APLF: variants seen among roughly 807,000 people sequenced by gnomAD.
APLF encodes aprataxin and PNKP like factor.
APLF carries 61 observed loss-of-function variants against 55.6 expected under a neutral mutation model. The observed-to-expected ratio is 1.10, with a 90% CI of 0.89 to 1.36. The LOEUF is 1.36. Ranked by LOEUF, APLF falls within the 40% of genes most tolerant of loss-of-function variation. The pLI is 0.00. For missense variants in APLF, 611 were observed against 602.5 expected (o/e 1.01, Z -0.15); for synonymous variants, 207 against 214.8 (o/e 0.96, Z 0.32).
intron 8 of APLF, among the ~76,000 whole-genome samples, chr2:68,555,470 ACAAG>A (rs1350133027): frequency 2.6e-5 from 4 of 152,138 alleles, no homozygotes; most frequent in African/African-American, 9.7e-5. Context: ...GCAAGAAAAA[ACAAG>A]CAATCCAATC....
At chr2:68,480,402 T>A (rs1475212274) in intron 1 of APLF, among the ~76,000 whole-genome samples, 1 of 151,884 alleles carries the variant, frequency 6.6e-6, no homozygotes, top group Non-Finnish European at 1.5e-5. Context: ...TCTCCCAGAT[T>A]CAAGCAATTC....
chr2:68,578,609 G>T lies in APLF; in HGVS notation c.*587G>T, dbSNP rs917417102. On this transcript the variant is annotated 3_prime_UTR_variant, in exon 10 of 10. Transcript: ENST00000303795. Reference sequence around the variant, plus strand: ...TGAAAATAGATTCAACTAGGCTGTAGAAGAGAAATGTTCACCATGTAGGGA... The same window carrying T: ...TGAAAATAGATTCAACTAGGCTGTATAAGAGAAATGTTCACCATGTAGGGA... 6 of 985,204 alleles carry T rather than the reference G, an allele frequency of 6.1e-6. No individual in the cohort carries two copies. The highest frequency in any genetic ancestry group is 1.7e-5 in the African/African-American group (1 of 57,218). The allele number at this position is 985,204 out of a possible 1,614,324, so 61.0% of individuals were successfully genotyped here. A position where few individuals can be genotyped will look rare whatever the true frequency, so the allele number is the denominator to read the frequency against.
rs1399236415 is a variant in APLF at position 68,538,145 on chromosome 2, A to G, written c.1078A>G (p.Lys360Glu). The G allele has an allele frequency of 3.1e-6, 5 of 1,614,098 alleles. No homozygotes were observed. The Admixed American group carries it at 6.7e-5, about 22-fold the overall frequency. ...CTCCAATCCTGAAACTTTGCATGCA[A>G]AGGCAACTGATTCAGTTCTACAAGG... Reference protein sequence around the residue: ...NPSNPETLHAKATDSVLQGSE... With the variant: ...NPSNPETLHAEATDSVLQGSE... Residue 360 changes from lysine to glutamate, a missense_variant, in exon 7 of 10, where the codon AAG becomes GAG. Transcript: ENST00000303795.
At position 68,535,466 on chromosome 2, in the gene APLF, T is replaced by G. The variant is rs142875131; in HGVS notation, c.805-2406T>G. 1,364 of 210,158 alleles carry G rather than the reference T, an allele frequency of 6.5e-3. 21 individuals carry two copies. Among genetic ancestry groups the G allele is most frequent in the African/African-American group, 0.031 (1,289 of 42,140 alleles). The allele number at this position is 210,158 out of a possible 1,614,324, so 13.0% of individuals were successfully genotyped here. A position where few individuals can be genotyped will look rare whatever the true frequency, so the allele number is the denominator to read the frequency against. ...TATATAAGGAATTTTTTTTAAAAGC[T>G]AAATGGTACCAAGTATGGATATTAT... On this transcript the variant is annotated intron_variant, in intron 6 of 9. Coordinates refer to ENST00000303795, the MANE Select transcript of APLF (RefSeq NM_173545.3).
In APLF at chr2:68,467,625, C is replaced by A; in HGVS notation, c.-107C>A. 1 of 948,316 alleles carries A rather than the reference C, an allele frequency of 1.1e-6. No individual in the cohort carries two copies. Among genetic ancestry groups the A allele is most frequent in the Non-Finnish European group, 1.4e-6 (1 of 727,420 alleles). The allele number at this position is 948,316 out of a possible 1,614,324, so 58.7% of individuals were successfully genotyped here. A position where few individuals can be genotyped will look rare whatever the true frequency, so the allele number is the denominator to read the frequency against. On this transcript the variant is annotated 5_prime_UTR_variant, in exon 1 of 10. Transcript: ENST00000303795. ...GCCGCGGGGAGCCTTTGAGGCCCTC[C>A]CTCGGTGTTTTTTCCCAGGGCGTGG... is the stretch of plus-strand genomic sequence containing the variant.
intron 8 of APLF, chr2:68,563,262 GTACC>G (rs1671214415): frequency 1.0e-6 from 1 of 984,988 alleles, no homozygotes; most frequent in Non-Finnish European, 1.2e-6. Flanking sequence ...ACCTGTACAT[GTACC>G]TAACATTTTT....
Position 68,519,916 on chromosome 2 carries a change from A to G in APLF, c.623-6145A>G, listed in dbSNP as rs529460457. Among the ~76,000 whole-genome samples the G allele has an allele frequency of 9.2e-5, 14 of 151,892 alleles. No individual in the cohort carries two copies. The East Asian group carries it at 2.3e-3, about 25-fold the overall frequency. Reference sequence around the variant, plus strand: ...CACGGTTTTCTGTAGTGGTTGTTCTATTTTACATTCCCACCAGCAGTGTAA... The same window carrying G: ...CACGGTTTTCTGTAGTGGTTGTTCTGTTTTACATTCCCACCAGCAGTGTAA... On this transcript the variant is annotated intron_variant, in intron 5 of 9. Coordinates refer to ENST00000303795, the MANE Select transcript of APLF (RefSeq NM_173545.3).
rs755024491 is a variant in APLF, at chr2:68,579,168, A to G, written c.*1146A>G. 6 of 784,202 alleles carry G rather than the reference A, an allele frequency of 7.7e-6. No individual in the cohort carries two copies. Among genetic ancestry groups the G allele is most frequent in the Non-Finnish European group, 9.3e-6 (6 of 646,828 alleles). 48.6% of individuals were successfully genotyped at this position (784,202 alleles called of 1,614,324 possible). On this transcript the variant is annotated 3_prime_UTR_variant, in exon 10 of 10. Coordinates refer to ENST00000303795, the MANE Select transcript of APLF (RefSeq NM_173545.3). ...TATCTTAAAAGATCAAAACATATTT[A>G]TAATAATATTTTCTCATTGCTTTAA...
At chr2:68,570,684 A>C (rs1168944472) in intron 9 of APLF, among the ~76,000 whole-genome samples, 1 of 152,122 alleles carries the variant, frequency 6.6e-6, no homozygotes, top group Non-Finnish European at 1.5e-5. Context: ...TTCTTAATCC[A>C]GTCTATCATT....
chr2:68,528,173 G>C, intron 6 of APLF: 1 of 689,910 alleles, frequency 1.4e-6, no homozygotes, highest in South Asian at 1.7e-5. Flanking sequence ...TCAATCTCTT[G>C]ACCTCCTGAT....
chr2:68,536,859 G>GCC (rs1670405363), intron 6 of APLF, among the ~76,000 whole-genome samples: 1 of 152,020 alleles, frequency 6.6e-6, no homozygotes, highest in South Asian at 2.1e-4. Flanking sequence ...ATAAAGTATT[G>GCC]CAGTAGCTTA....
intron 8 of APLF, among the ~76,000 whole-genome samples, chr2:68,555,799 C>G (rs1017856137): frequency 2.6e-5 from 4 of 152,122 alleles, no homozygotes; most frequent in African/African-American, 4.8e-5. Flanking sequence ...TGTGGAGATT[C>G]CTTAAACAAC....
intron 8 of APLF, chr2:68,563,165 T>G (rs768268924): frequency 1.0e-6 from 1 of 985,304 alleles, no homozygotes; most frequent in Non-Finnish European, 1.2e-6. Context: ...TACAGTATTT[T>G]ACCTGTCTTT....
In APLF at chr2:68,529,670, G is replaced by C; in HGVS notation, c.804+3428G>C. ...AGAGGAGTCAGAGGGCAAAGGGTGA[G>C]ACCCTTCCACCGGTCCAGCTGGACT... On this transcript the variant is annotated intron_variant, in intron 6 of 9. Transcript: ENST00000303795. This position sits in a 1 kb window ranked among gnomAD's most constrained non-coding sequence, Gnocchi z 4.4. 6.2e-6 allele frequency: 1 copy of C among 160,766 alleles called. No homozygotes were observed. Among genetic ancestry groups the C allele is most frequent in the Non-Finnish European group, 1.3e-5 (1 of 75,176 alleles). 10.0% of individuals were successfully genotyped at this position (160,766 alleles called of 1,614,324 possible).
chr2:68,483,523 T>C (rs1257407161), intron 1 of APLF, among the ~76,000 whole-genome samples: 2 of 152,212 alleles, frequency 1.3e-5, no homozygotes, highest in Non-Finnish European at 2.9e-5. Flanking sequence ...TGATTCTGTG[T>C]TTGGGTCCCT....
Position 68,529,642 on chromosome 2 carries a change from G to A in APLF, c.804+3400G>A, listed in dbSNP as rs1446656718. On this transcript the variant is annotated intron_variant, in intron 6 of 9. Transcript: ENST00000303795. This position sits in a 1 kb window ranked among gnomAD's most constrained non-coding sequence, Gnocchi z 4.4. ...GCTTAGGAGCCCAGCGAGGGTGCCT[G>A]CAAGAGGAGTCAGAGGGCAAAGGGT... 3 of 195,772 alleles carry A rather than the reference G, an allele frequency of 1.5e-5. No homozygotes were observed. Among genetic ancestry groups the A allele is most frequent in the East Asian group, 3.7e-4 (2 of 5,442 alleles). The allele number at this position is 195,772 out of a possible 1,614,324, so 12.1% of individuals were successfully genotyped here. A position where few individuals can be genotyped will look rare whatever the true frequency, so the allele number is the denominator to read the frequency against.
At chr2:68,507,029 T>G (rs1267609284) in intron 3 of APLF, among the ~76,000 whole-genome samples, 1 of 151,878 alleles carries the variant, frequency 6.6e-6, no homozygotes, top group East Asian at 1.9e-4. Flanking sequence ...GGAGAAGGAA[T>G]GGGAGGGAAG....
intron 1 of APLF, among the ~76,000 whole-genome samples, chr2:68,484,464 G>A (rs1268894567): frequency 1.3e-5 from 2 of 151,812 alleles, no homozygotes; most frequent in Non-Finnish European, 2.9e-5. Flanking sequence ...AGAGGTGGGT[G>A]GATCATTCAA....
rs1310010799 is a variant in APLF, at chr2:68,526,255, A to G, written c.804+13A>G. 6.3e-7 allele frequency: 1 copy of G among 1,595,576 alleles called. No homozygotes were observed. The highest frequency in any genetic ancestry group is 8.5e-7 in the Non-Finnish European group (1 of 1,172,692). On this transcript the variant is annotated intron_variant, in intron 6 of 9. Coordinates refer to ENST00000303795, the MANE Select transcript of APLF (RefSeq NM_173545.3). ...CATTTCATCCAAGGTGATTTTAAAA[A>G]ATTCATTATTTGATTGTTTTTTTGT... is the stretch of plus-strand genomic sequence containing the variant.
Sources: gnomAD v4.1 joint callset for allele counts (sites outside exome capture counted in the v4.1 genomes callset) on GRCh38, gnomAD v4.1.1 for gene constraint, Gnocchi (gnomAD v3.1) non-coding constraint, MANE v1.5 for transcripts, NCBI Gene and HGNC (gene_info 2026-07-23, HGNC 2026-07-21) for gene names.